Variants in POU3F3 observed in about 807,000 individuals in gnomAD.
POU3F3 encodes the protein POU domain, class 3, transcription factor 3.
In POU3F3, 1 loss-of-function variant was observed where a neutral mutation model predicts 8.6. The observed-to-expected ratio is 0.12, with a 90% confidence interval of 0.04 to 0.55. The LOEUF is 0.55. Ranked by LOEUF, POU3F3 falls within the 20% of genes least tolerant of loss-of-function variation. POU3F3 has a pLI of 0.91. For synonymous variants in POU3F3, 418 were observed against 327.4 expected (o/e 1.28, Z -2.99); for missense variants, 577 against 690.7 (o/e 0.84, Z 1.84).
chr2:104,889,866 C>T, the POU3F3 span, among the ~76,000 whole-genome samples: 4 of 152,244 alleles, frequency 2.6e-5, no homozygotes, highest in Non-Finnish European at 4.4e-5. Context: ...ACAGCTGTTT[C>T]TGATATATAG....
chr2:104,900,366 C>T, the POU3F3 span, among the ~76,000 whole-genome samples: 1 of 152,112 alleles, frequency 6.6e-6, no homozygotes, highest in East Asian at 1.9e-4. Flanking sequence ...AAAGAAGAAC[C>T]GTGAGCAGGA....
At chr2:104,909,864 A>C in the POU3F3 span, among the ~76,000 whole-genome samples, 1 of 152,378 alleles carries the variant, frequency 6.6e-6, no homozygotes, top group African/African-American at 2.4e-5. Flanking sequence ...CAAATACAAG[A>C]GAGTACTTCT....
the POU3F3 span, among the ~76,000 whole-genome samples, chr2:104,892,685 G>T: frequency 6.6e-6 from 1 of 151,538 alleles, no homozygotes; most frequent in Non-Finnish European, 1.5e-5. Flanking sequence ...ATGTGTGTGT[G>T]TGTATATATA....
chr2:104,910,593 A>G, the POU3F3 span, among the ~76,000 whole-genome samples: 1 of 152,344 alleles, frequency 6.6e-6, no homozygotes, highest in Admixed American at 6.5e-5. Flanking sequence ...GTGACAGTGA[A>G]GTGCTTAGTA....
the POU3F3 span, among the ~76,000 whole-genome samples, chr2:104,889,555 A>G: frequency 2.6e-4 from 39 of 152,356 alleles, no homozygotes; most frequent in Middle Eastern, 6.8e-3. Flanking sequence ...ACCAAAGGTC[A>G]GAGGAACTGA....
At chr2:104,863,703 C>G in the POU3F3 span, among the ~76,000 whole-genome samples, 5 of 152,128 alleles carry the variant, frequency 3.3e-5, no homozygotes, top group South Asian at 2.1e-4. Context: ...GACCAGGGCC[C>G]GAAATTGAGG....
the POU3F3 span, among the ~76,000 whole-genome samples, chr2:104,896,909 C>T: frequency 6.6e-6 from 1 of 152,356 alleles, no homozygotes; most frequent in East Asian, 1.9e-4. Flanking sequence ...ATGAATGCAA[C>T]ACAGATTGGT....
the POU3F3 span, among the ~76,000 whole-genome samples, chr2:104,892,204 C>T: frequency 6.6e-6 from 1 of 152,158 alleles, no homozygotes; most frequent in African/African-American, 2.4e-5. Context: ...TACTTTCTAA[C>T]TCCATGATTT....
chr2:104,856,287 G>A lies in POU3F3; in HGVS notation c.777G>A (p.Leu259=), dbSNP rs1254309849. 6 of 1,473,860 alleles carry A rather than the reference G, an allele frequency of 4.1e-6. No homozygotes were observed. The highest frequency in any genetic ancestry group is 4.5e-6 in the Non-Finnish European group (5 of 1,121,572). 91.3% of individuals were successfully genotyped at this position (1,473,860 alleles called of 1,614,324 possible). The part of the protein sequence containing the change: ...GGAQSLVHPG[L]VRGDTPELAE... ...CCCAGAGCTTGGTGCACCCGGGGCT[G>A]GTGCGCGGGGACACGCCAGAGCTGG... The change falls in exon 1 of 1, where the codon CTG becomes CTA. Residue 259 remains leucine, a synonymous_variant. Coordinates refer to ENST00000361360, the MANE Select transcript of POU3F3 (RefSeq NM_006236.3).
chr2:104,854,193 GGA>G lies in POU3F3; in HGVS notation c.-1306_-1305del, dbSNP rs1261162948. ...GAGCGAGAGCGGGCGCCCGAGAGAG[GGA>G]GAGAGAGAGAGGGAGGGAGAGGAAA... On this transcript the variant is annotated 5_prime_UTR_variant, in exon 1 of 1. Transcript: ENST00000361360. The surrounding 1 kb of genome is among the most constrained non-coding windows in gnomAD (Gnocchi z 4.5). 3.3e-5 allele frequency among the ~76,000 whole-genome samples: 5 copies of G among 152,032 alleles called. No individual in the cohort carries two copies. Among genetic ancestry groups the G allele is most frequent in the South Asian group, 2.1e-4 (1 of 4,818 alleles).
the POU3F3 span, among the ~76,000 whole-genome samples, chr2:104,904,993 C>G: frequency 2.6e-5 from 4 of 152,166 alleles, no homozygotes; most frequent in African/African-American, 9.7e-5. Context: ...TCCTAGCCAG[C>G]CCTAAGACCT....
chr2:104,924,137 G>A, the POU3F3 span, among the ~76,000 whole-genome samples: 1 of 152,132 alleles, frequency 6.6e-6, no homozygotes. Context: ...GGAAAAGATG[G>A]TAAATTTCAT....
the POU3F3 span, chr2:104,866,203 G>C: frequency 1.3e-5 from 2 of 152,158 alleles, no homozygotes; most frequent in African/African-American, 4.8e-5. Context: ...GTGGCCTTGA[G>C]TCCCAAGCAG....
chr2:104,881,126 C>CTTTA, the POU3F3 span, among the ~76,000 whole-genome samples: 52 of 147,694 alleles, frequency 3.5e-4, no homozygotes, highest in Admixed American at 7.5e-4. Context: ...TTCTTACTTT[C>CTTTA]TTTCTTTCTT....
chr2:104,888,314 A>T, the POU3F3 span, among the ~76,000 whole-genome samples: 164 of 152,344 alleles, frequency 1.1e-3, 2 homozygotes, highest in African/African-American at 3.7e-3. Flanking sequence ...TCGAGAAGCT[A>T]GTGTGGGTTT....
the POU3F3 span, among the ~76,000 whole-genome samples, chr2:104,888,992 T>C: frequency 1.3e-5 from 2 of 152,234 alleles, no homozygotes; most frequent in Non-Finnish European, 2.9e-5. Flanking sequence ...GAAAATAAGC[T>C]AAACCTAGCC....
the POU3F3 span, among the ~76,000 whole-genome samples, chr2:104,885,883 T>C: frequency 6.6e-6 from 1 of 152,082 alleles, no homozygotes; most frequent in Non-Finnish European, 1.5e-5. Context: ...CTGAAACCTC[T>C]GCCTCCCAGG....
chr2:104,893,086 G>A, the POU3F3 span, among the ~76,000 whole-genome samples: 5 of 152,154 alleles, frequency 3.3e-5, no homozygotes, highest in African/African-American at 1.2e-4. Context: ...TGGACGATTA[G>A]CAACATATAG....
the POU3F3 span, among the ~76,000 whole-genome samples, chr2:104,881,485 T>C: frequency 6.6e-6 from 1 of 152,064 alleles, no homozygotes; most frequent in Non-Finnish European, 1.5e-5. Flanking sequence ...TCATATGCAA[T>C]GGTTACACAG....
Sources: allele counts gnomAD v4.1 joint callset (sites outside exome capture counted in the v4.1 genomes callset), GRCh38; gene constraint gnomAD v4.1.1; non-coding constraint Gnocchi (gnomAD v3.1); transcripts MANE v1.5; gene names NCBI Gene and HGNC (gene_info 2026-07-23, HGNC 2026-07-21).